CSMD1: variants seen among roughly 807,000 people sequenced by gnomAD.
The protein encoded by CSMD1 is CUB and sushi domain-containing protein 1.
Under a neutral mutation model 417.5 loss-of-function variants are expected in CSMD1, and 213 were observed. The ratio of observed to expected loss-of-function variants is 0.51; its 90% CI spans 0.46 to 0.57. The LOEUF (loss-of-function observed/expected upper bound fraction) is 0.57, where lower values mean the gene tolerates loss of function less well. CSMD1 is among the 20% of genes least tolerant of loss of function. The probability of loss-of-function intolerance (pLI) is 0.00; values close to 1 mark genes in which losing one functional copy is unlikely to be tolerated. For synonymous variants in CSMD1, 2,862 were observed against 1,736.8 expected (o/e 1.65, Z -16.11); for missense variants, 6,923 against 4,529.7 (o/e 1.53, Z -15.17).
At chr8:3,972,139 G>A (rs998750664) in intron 5 of CSMD1, among the ~76,000 whole-genome samples, 3 of 152,058 alleles carry the variant, frequency 2.0e-5, no homozygotes, top group Non-Finnish European at 4.4e-5. Context: ...CGAAAGTGCT[G>A]GGATGACAGG....
intron 2 of CSMD1, among the ~76,000 whole-genome samples, chr8:4,421,973 A>G (rs1179327671): frequency 6.6e-6 from 1 of 152,090 alleles, no homozygotes; most frequent in East Asian, 1.9e-4. Context: ...AAATATTACT[A>G]TGAACTCAGA....
intron 5 of CSMD1, among the ~76,000 whole-genome samples, chr8:3,904,577 T>A (rs144604319): frequency 6.6e-6 from 1 of 152,222 alleles, no homozygotes; most frequent in East Asian, 1.9e-4. Flanking sequence ...GAGTTGGGAA[T>A]TAAATTATCT....
intron 3 of CSMD1, among the ~76,000 whole-genome samples, chr8:4,326,931 C>T (rs113398873): frequency 6.6e-6 from 1 of 152,038 alleles, no homozygotes; most frequent in African/African-American, 2.4e-5. Context: ...GCCATAATCT[C>T]AAGGAATGTC....
At chr8:4,773,403 C>A (rs567603870) in intron 1 of CSMD1, among the ~76,000 whole-genome samples, 10 of 152,278 alleles carry the variant, frequency 6.6e-5, no homozygotes, top group African/African-American at 2.4e-4. Flanking sequence ...CTCCTTGTTT[C>A]TGCAGCAGTT....
intron 3 of CSMD1, among the ~76,000 whole-genome samples, chr8:4,191,865 C>G (rs1584993859): frequency 6.6e-6 from 1 of 151,946 alleles, no homozygotes; most frequent in Non-Finnish European, 1.5e-5. Context: ...TTCCAGACCT[C>G]AGCAACATCA....
intron 2 of CSMD1, among the ~76,000 whole-genome samples, chr8:4,620,802 C>G (rs2616977): frequency 0.18 from 26,827 of 151,178 alleles, 2,530 homozygotes; most frequent in Non-Finnish European, 0.2. Flanking sequence ...AAAGAGAGAG[C>G]CAAATTAGTG....
At chr8:4,915,599 G>A (rs1806005903) in intron 1 of CSMD1, among the ~76,000 whole-genome samples, 1 of 152,208 alleles carries the variant, frequency 6.6e-6, no homozygotes, top group Non-Finnish European at 1.5e-5. Flanking sequence ...CTGGGGGACT[G>A]TTGCATCCGA....
At position 4,052,815 on chromosome 8, in the gene CSMD1, C is replaced by T. The variant is rs148723080; in HGVS notation, c.416-20716G>A. 1.6e-3 allele frequency among the ~76,000 whole-genome samples: 249 copies of T among 152,202 alleles called. 3 individuals are homozygous for T. The East Asian group carries it at 0.032, about 20-fold the overall frequency. On this transcript the variant is annotated intron_variant, in intron 3 of 69. Coordinates refer to ENST00000635120, the MANE Select transcript of CSMD1 (RefSeq NM_033225.6). ...CCCACTTCCAGATACTCTAACTGTG[C>T]AGATTTGGGGCAGGGCCTAGGTAAA...
intron 54 of CSMD1, among the ~76,000 whole-genome samples, chr8:2,991,474 A>C (rs2128948241): frequency 6.6e-6 from 1 of 152,336 alleles, no homozygotes; most frequent in South Asian, 2.1e-4. Context: ...AAAAGGCCAG[A>C]TATGGCCTTA....
chr8:4,329,585 G>C (rs1440032269), intron 3 of CSMD1, among the ~76,000 whole-genome samples: 1 of 152,020 alleles, frequency 6.6e-6, no homozygotes, highest in East Asian at 1.9e-4. Context: ...ACCGCACGTT[G>C]CCAAAAAATA....
intron 2 of CSMD1, among the ~76,000 whole-genome samples, chr8:4,496,042 C>T (rs1801961418): frequency 6.6e-6 from 1 of 152,146 alleles, no homozygotes; most frequent in Non-Finnish European, 1.5e-5. Flanking sequence ...TCTTAATTGG[C>T]ACTGTTTTCT....
At chr8:4,795,607 A>C (rs1797936778) in intron 1 of CSMD1, among the ~76,000 whole-genome samples, 1 of 151,844 alleles carries the variant, frequency 6.6e-6, no homozygotes, top group South Asian at 2.1e-4. Context: ...TTCTTCTTTA[A>C]CCATAACAAC....
chr8:3,896,131 C>G (rs1439679613), intron 5 of CSMD1, among the ~76,000 whole-genome samples: 1 of 152,118 alleles, frequency 6.6e-6, no homozygotes, highest in Non-Finnish European at 1.5e-5. Context: ...GCTTGAGTAA[C>G]AAGCCCAATT....
chr8:4,325,630 TCCCAAACTA>T (rs1283878754), intron 3 of CSMD1, among the ~76,000 whole-genome samples: 3 of 152,090 alleles, frequency 2.0e-5, no homozygotes, highest in Non-Finnish European at 2.9e-5. Context: ...GAAGATTTTT[TCCCAAACTA>T]CCCAAATTAC....
intron 52 of CSMD1, among the ~76,000 whole-genome samples, chr8:3,011,343 G>A (rs1025881474): frequency 2.0e-5 from 3 of 152,084 alleles, no homozygotes; most frequent in African/African-American, 7.2e-5. Flanking sequence ...GGGCAGGGGA[G>A]GCAGTGCTAA....
At chr8:4,831,042 C>T (rs924301942) in intron 1 of CSMD1, among the ~76,000 whole-genome samples, 1 of 152,138 alleles carries the variant, frequency 6.6e-6, no homozygotes, top group African/African-American at 2.4e-5. Flanking sequence ...GGATGATCTA[C>T]CCTTTACTTC....
chr8:3,057,656 C>G (rs1400414080), intron 49 of CSMD1, among the ~76,000 whole-genome samples: 1 of 152,088 alleles, frequency 6.6e-6, no homozygotes, highest in Non-Finnish European at 1.5e-5. Flanking sequence ...GATAAAGTTA[C>G]AGATGCTAAC....
intron 5 of CSMD1, among the ~76,000 whole-genome samples, chr8:3,923,618 G>C (rs995515458): frequency 1.3e-5 from 2 of 151,968 alleles, no homozygotes; most frequent in Admixed American, 6.6e-5. Context: ...CATTTTTGTG[G>C]TTCAGTAATT....
intron 2 of CSMD1, 45 bp downstream of exon 2, chr8:4,637,297 G>T: frequency 7.1e-7 from 1 of 1,407,018 alleles, no homozygotes; most frequent in Non-Finnish European, 1.0e-6. Flanking sequence ...CATAATCTGT[G>T]TATTCAAACA....
Sources: gnomAD v4.1 joint callset for allele counts (sites outside exome capture counted in the v4.1 genomes callset) on GRCh38, gnomAD v4.1.1 for gene constraint, MANE v1.5 for transcripts, NCBI Gene and HGNC (gene_info 2026-07-23, HGNC 2026-07-21) for gene names.